The following ABI3 variants were observed in gnomAD, a reference collection of about 807,000 sequenced individuals.
The protein encoded by ABI3 is ABI gene family member 3.
A neutral mutation model predicts 37.0 loss-of-function variants in ABI3; 24 were observed. The observed-to-expected ratio is 0.65, with a 90% CI of 0.47 to 0.91. The LOEUF is 0.91. ABI3 is among the 40% of genes least tolerant of loss of function. ABI3 has a pLI of 0.00. For missense variants in ABI3, 481 were observed against 485.1 expected (o/e 0.99, Z 0.08); for synonymous variants, 220 against 211.8 (o/e 1.04, Z -0.34).
At chr17:49,220,498 G>T (rs778021377) in intron 6 of ABI3, among the ~76,000 whole-genome samples, 172 bp downstream of exon 6, 1 of 152,202 alleles carries the variant, frequency 6.6e-6, no homozygotes, top group Non-Finnish European at 1.5e-5. Context: ...ATAACTTAGC[G>T]CCTGCTGTAT....
chr17:49,218,987 C>G lies in ABI3; in HGVS notation c.463-553C>G, dbSNP rs140108854. On this transcript the variant is annotated intron_variant, in intron 3 of 7. Transcript: ENST00000225941. ...CCCTGGTGAAGCCCATGGGGTAACA[C>G]TGTACCCACCCCTTGGGGAAGTCCC... Among the ~76,000 whole-genome samples, 376 of 152,220 alleles carry G rather than the reference C, an allele frequency of 2.5e-3. 1 individual carries two copies. Among genetic ancestry groups the G allele is most frequent in the Non-Finnish European group, 3.6e-3 (242 of 68,012 alleles).
In ABI3 at chr17:49,213,826, A is replaced by G. The variant is rs1053418328; in HGVS notation, c.118-2705A>G. Among the ~76,000 whole-genome samples, 14 of 152,194 alleles carry G rather than the reference A, an allele frequency of 9.2e-5. No individual in the cohort carries two copies. In the East Asian group the frequency reaches 2.7e-3, roughly 29 times the overall value. ...GGCAAGCTAAGAAATCTGGGTGGAG[A>G]TGAAGGAGCAGTCACTGCTCAGTTC... On this transcript the variant is annotated intron_variant, in intron 1 of 7. Coordinates refer to ENST00000225941, the MANE Select transcript of ABI3 (RefSeq NM_016428.3).
chr17:49,219,850 C>A lies in ABI3; in HGVS notation c.549-8C>A, dbSNP rs775156826. 7.8e-6 allele frequency: 12 copies of A among 1,540,874 alleles called. No individual in the cohort carries two copies. The African/African-American group carries it at 1.6e-4, about 21-fold the overall frequency. ...TCCTCCTAATACCCACTCCCTGCCC[C>A]CCGCCAGGAGACCACCCCGGATTCC... On this transcript the variant is annotated splice_polypyrimidine_tract_variant and splice_region_variant and intron_variant, in intron 4 of 7. Coordinates refer to ENST00000225941, the MANE Select transcript of ABI3 (RefSeq NM_016428.3). This position sits in a 1 kb window ranked among gnomAD's most constrained non-coding sequence, Gnocchi z 4.3.
intron 1 of ABI3, among the ~76,000 whole-genome samples, chr17:49,212,833 G>C (rs1199622194): frequency 5.3e-5 from 8 of 151,738 alleles, no homozygotes; most frequent in Admixed American, 4.6e-4. Context: ...ACCACCTGCA[G>C]ATGAGACAGA....
intron 2 of ABI3, among the ~76,000 whole-genome samples, chr17:49,217,137 C>T (rs2043227549): frequency 6.6e-6 from 1 of 152,118 alleles, no homozygotes; most frequent in African/African-American, 2.4e-5. Flanking sequence ...AGCGCACACA[C>T]CCTCCTCCTT....
At position 49,222,814 on chromosome 17, in the gene ABI3, ACCTCT is replaced by A; in HGVS notation, c.*100_*104del. 1.5e-6 allele frequency: 2 copies of A among 1,343,800 alleles called. No homozygotes were observed. The highest frequency in any genetic ancestry group is 2.0e-6 in the Non-Finnish European group (2 of 992,200). 83.2% of individuals were successfully genotyped at this position (1,343,800 alleles called of 1,614,324 possible). On this transcript the variant is annotated 3_prime_UTR_variant, in exon 8 of 8. Coordinates refer to ENST00000225941, the MANE Select transcript of ABI3 (RefSeq NM_016428.3). ...AGTCACAGCTGGACTGGGTCTGCCC[ACCTCT>A]TGGGCTGTGAGCTGTGTTCTGTCCT...
rs1598248951 is a variant in ABI3 at position 49,222,943 on chromosome 17, G to A, written c.*228G>A. 1.2e-5 allele frequency: 7 copies of A among 591,278 alleles called. No individual in the cohort carries two copies. The East Asian group carries it at 1.9e-4, about 16-fold the overall frequency. 36.6% of individuals were successfully genotyped at this position (591,278 alleles called of 1,614,324 possible). On this transcript the variant is annotated 3_prime_UTR_variant, in exon 8 of 8. Transcript: ENST00000225941. ...CTGGAAACCAAGAAGTTTGTCAACA[G>A]AGGACCCCTACTCCATGCAGGACAG...
intron 7 of ABI3, 88 bp downstream of exon 7, chr17:49,222,313 T>A: frequency 6.6e-7 from 1 of 1,516,240 alleles, no homozygotes; most frequent in South Asian, 1.3e-5. Context: ...AAGGTGTGAA[T>A]CTATCCCCCG....
chr17:49,218,770 A>ATTTTTTTTTT (rs71144583), intron 3 of ABI3, among the ~76,000 whole-genome samples: 4 of 131,784 alleles, frequency 3.0e-5, no homozygotes, highest in East Asian at 2.1e-4. Context: ...TGCCCGGCTA[A>ATTTTTTTTTT]TTTTTTTTTT....
At position 49,217,869 on chromosome 17, in the gene ABI3, G is replaced by C; in HGVS notation, c.416G>C (p.Arg139Thr). Residue 139 changes from arginine (R) to threonine (T), a missense_variant, in exon 3 of 8, where the codon AGA becomes ACA. Arg to Thr is a moderately conservative substitution (Grantham distance 71). Coordinates refer to ENST00000225941, the MANE Select transcript of ABI3 (RefSeq NM_016428.3). ...NLPPLTPYCR[R>T]PLNFGCLDDI... ...CCCCCTCTCACGCCCTACTGCAGGA[G>C]ACCCCTCAACTTTGGCTGCCTGGAC... 1 of 1,591,712 alleles carries C rather than the reference G, an allele frequency of 6.3e-7. No homozygotes were observed. Among genetic ancestry groups the C allele is most frequent in the South Asian group, 1.1e-5 (1 of 87,876 alleles).
chr17:49,212,017 C>T (rs917405117), intron 1 of ABI3, among the ~76,000 whole-genome samples: 9 of 151,388 alleles, frequency 5.9e-5, no homozygotes, highest in Middle Eastern at 3.2e-3. Context: ...TCATAGCTCA[C>T]GTAGCTTCAC....
intron 2 of ABI3, among the ~76,000 whole-genome samples, chr17:49,217,529 G>A (rs1225730375): frequency 6.8e-6 from 1 of 147,210 alleles, no homozygotes; most frequent in African/African-American, 2.5e-5. Flanking sequence ...TTTCCACCAG[G>A]AAGTTGCTCC....
Position 49,220,292 on chromosome 17 carries a change from T to A in ABI3, c.768T>A (p.Pro256=). 1 of 1,599,996 alleles carries A rather than the reference T, an allele frequency of 6.3e-7. No individual in the cohort carries two copies. ...PPAAVEVFQR[P]PTLEELSPPP... ...CAGCCGTCGAGGTGTTCCAGCGGCCTCCCACGCTGGAGGAGTTGTCCCCAC... is the reference window on the plus strand; with the variant it reads ...CAGCCGTCGAGGTGTTCCAGCGGCCACCCACGCTGGAGGAGTTGTCCCCAC... The change falls in exon 6 of 8, where the codon CCT becomes CCA. Residue 256 remains proline, a synonymous_variant. Coordinates refer to ENST00000225941, the MANE Select transcript of ABI3 (RefSeq NM_016428.3).
At chr17:49,217,598 C>A in intron 2 of ABI3, 141 bp from the exon 3 acceptor site, 1 of 642,460 alleles carries the variant, frequency 1.6e-6, no homozygotes, top group South Asian at 2.3e-5. Flanking sequence ...TGGTGGGGGG[C>A]GGGGGGCGGG....
chr17:49,217,370 C>A (rs758350684), intron 2 of ABI3, among the ~76,000 whole-genome samples: 3 of 152,150 alleles, frequency 2.0e-5, no homozygotes, highest in Non-Finnish European at 2.9e-5. Context: ...AAGGGGAGAG[C>A]TGATCCAGCC....
chr17:49,223,011 G>T lies in ABI3; in HGVS notation c.*296G>T. On this transcript the variant is annotated 3_prime_UTR_variant, in exon 8 of 8. Coordinates refer to ENST00000225941, the MANE Select transcript of ABI3 (RefSeq NM_016428.3). ...CCCAACTTTGAATAAAACAGATGAT[G>T]TCCTGTGACTGCCCCACAGAGATAA... The T allele has an allele frequency of 2.0e-6, 1 of 494,220 alleles. No homozygotes were observed. The highest frequency in any genetic ancestry group is 3.6e-6 in the Non-Finnish European group (1 of 278,928). 30.6% of individuals were successfully genotyped at this position (494,220 alleles called of 1,614,324 possible).
chr17:49,211,295 G>T (rs929630791), intron 1 of ABI3, among the ~76,000 whole-genome samples: 6 of 152,176 alleles, frequency 3.9e-5, no homozygotes, highest in Non-Finnish European at 8.8e-5. Flanking sequence ...CCTGAGTTTG[G>T]GAAAGGGAGA....
intron 1 of ABI3, among the ~76,000 whole-genome samples, chr17:49,215,643 AGGCACCACCATGCCT>A (rs1454559848): frequency 6.6e-6 from 1 of 151,994 alleles, no homozygotes; most frequent in African/African-American, 2.4e-5. Context: ...GATTACAGGC[AGGCACCACCATGCCT>A]GGCTAATTTT....
At chr17:49,214,625 G>A (rs918863644) in intron 1 of ABI3, among the ~76,000 whole-genome samples, 7 of 152,168 alleles carry the variant, frequency 4.6e-5, no homozygotes, top group African/African-American at 1.7e-4. Context: ...CAGGAGAATC[G>A]CTTGAACCCA....
Sources: gnomAD v4.1 joint callset for allele counts (sites outside exome capture counted in the v4.1 genomes callset) on GRCh38, gnomAD v4.1.1 for gene constraint, Gnocchi (gnomAD v3.1) non-coding constraint, MANE v1.5 for transcripts, NCBI Gene and HGNC (gene_info 2026-07-23, HGNC 2026-07-21) for gene names.